The following TFB1M variants were observed in gnomAD, a reference collection of about 807,000 sequenced individuals.
TFB1M encodes the protein dimethyladenosine transferase 1, mitochondrial.
TFB1M carries 27 observed loss-of-function variants against 31.1 expected under a neutral mutation model. That is an observed-to-expected ratio of 0.87 (90% CI 0.64 to 1.20). The LOEUF (loss-of-function observed/expected upper bound fraction) is 1.20. TFB1M is among the 50% of genes most tolerant of loss of function. TFB1M has a pLI of 0.00. For missense variants in TFB1M, 394 were observed against 418.7 expected (o/e 0.94, Z 0.51); for synonymous variants, 166 against 151.8 (o/e 1.09, Z -0.69).
At chr6:155,245,093 G>A in the TFB1M span, among the ~76,000 whole-genome samples, 1 of 152,166 alleles carries the variant, frequency 6.6e-6, no homozygotes, top group South Asian at 2.1e-4. Flanking sequence ...TCTGAAACCA[G>A]AGCTCCTACC....
In TFB1M at chr6:155,311,343, G is replaced by T; in HGVS notation, c.134-4C>A. The T allele has an allele frequency of 6.2e-7, 1 of 1,613,048 alleles. No individual in the cohort carries two copies. The highest frequency in any genetic ancestry group is 8.5e-7 in the Non-Finnish European group (1 of 1,179,110). On this transcript the variant is annotated splice_region_variant and splice_polypyrimidine_tract_variant and intron_variant, in intron 1 of 6. Coordinates refer to ENST00000367166, the MANE Select transcript of TFB1M (RefSeq NM_016020.4). ...CCAGCTTTCCTTACAATCTTATCTA[G>T]AGGAAAAAGAGTTTTAGTTATCTCA...
chr6:155,267,660 C>T (rs1784720674), intron 5 of TFB1M, among the ~76,000 whole-genome samples: 2 of 152,112 alleles, frequency 1.3e-5, no homozygotes, highest in Non-Finnish European at 2.9e-5. Context: ...AGCAGCTAGG[C>T]TTATAGAAAG....
At chr6:155,268,954 A>AAAAAAAG (rs1784792296) in intron 5 of TFB1M, among the ~76,000 whole-genome samples, 2 of 141,924 alleles carry the variant, frequency 1.4e-5, no homozygotes, top group East Asian at 4.2e-4. Context: ...ATTAAAAAAA[A>AAAAAAAG]AAAAAAGAAA....
intron 5 of TFB1M, among the ~76,000 whole-genome samples, chr6:155,269,154 G>C (rs558491525): frequency 4.6e-5 from 7 of 151,840 alleles, no homozygotes; most frequent in Admixed American, 3.9e-4. Flanking sequence ...AAGAGAGGTA[G>C]GACTTACAAA....
intron 5 of TFB1M, among the ~76,000 whole-genome samples, chr6:155,271,459 G>A (rs572371356): frequency 6.6e-6 from 1 of 152,202 alleles, no homozygotes; most frequent in South Asian, 2.1e-4. Flanking sequence ...AGAAAACTCA[G>A]GGCACCACAC....
chr6:155,300,296 A>G (rs1181300685), intron 2 of TFB1M, among the ~76,000 whole-genome samples: 1 of 152,238 alleles, frequency 6.6e-6, no homozygotes, highest in Non-Finnish European at 1.5e-5. Flanking sequence ...ATGGTAGTTT[A>G]GCAAAAATAA....
At chr6:155,283,262 C>G (rs1338979785) in intron 5 of TFB1M, among the ~76,000 whole-genome samples, 2 of 152,258 alleles carry the variant, frequency 1.3e-5, no homozygotes, top group South Asian at 2.1e-4. Flanking sequence ...AAAATCCTGT[C>G]TCTATGAAAA....
chr6:155,282,784 G>A (rs1215364981), intron 5 of TFB1M, among the ~76,000 whole-genome samples: 2 of 151,508 alleles, frequency 1.3e-5, no homozygotes, highest in Non-Finnish European at 2.9e-5. Flanking sequence ...CTGGAGTGCA[G>A]TGGTGCCATC....
At chr6:155,264,782 T>C (rs1233552117) in intron 5 of TFB1M, among the ~76,000 whole-genome samples, 1 of 152,004 alleles carries the variant, frequency 6.6e-6, no homozygotes. Flanking sequence ...CTAAGAAATG[T>C]GGTGAGGGGG....
chr6:155,240,972 T>A, the TFB1M span, among the ~76,000 whole-genome samples: 70 of 152,336 alleles, frequency 4.6e-4, no homozygotes, highest in South Asian at 5.8e-3. Context: ...ATGTTCTGGT[T>A]TGTCATTTGC....
At chr6:155,268,164 C>T (rs1252464045) in intron 5 of TFB1M, among the ~76,000 whole-genome samples, 4 of 152,094 alleles carry the variant, frequency 2.6e-5, no homozygotes, top group African/African-American at 4.8e-5. Context: ...TCCATTTAAT[C>T]GCTCCCATTA....
intron 5 of TFB1M, among the ~76,000 whole-genome samples, chr6:155,265,729 A>T (rs1332300059): frequency 6.9e-6 from 1 of 145,416 alleles, no homozygotes; most frequent in Non-Finnish European, 1.5e-5. Flanking sequence ...ATATAATATA[A>T]ATATATATTA....
chr6:155,288,167 C>T (rs966844638), intron 4 of TFB1M, among the ~76,000 whole-genome samples: 3 of 152,146 alleles, frequency 2.0e-5, no homozygotes, highest in Non-Finnish European at 4.4e-5. Flanking sequence ...AAGAAACTTC[C>T]TATGGGCAAA....
intron 2 of TFB1M, among the ~76,000 whole-genome samples, chr6:155,302,115 T>A (rs113831410): frequency 6.6e-6 from 1 of 152,210 alleles, no homozygotes; most frequent in African/African-American, 2.4e-5. Context: ...GGAAAGAATT[T>A]AGGCAATTCT....
At chr6:155,245,466 G>C in the TFB1M span, among the ~76,000 whole-genome samples, 1 of 152,210 alleles carries the variant, frequency 6.6e-6, no homozygotes, top group Non-Finnish European at 1.5e-5. Context: ...GAGCGCCTGG[G>C]CTGTTCCCCA....
chr6:155,244,741 A>G, the TFB1M span: 218 of 1,613,994 alleles, frequency 1.4e-4, no homozygotes, highest in Middle Eastern at 6.6e-4. Flanking sequence ...GGATTTCAGC[A>G]TCATCTGACT....
At position 155,257,146 on chromosome 6, in the gene TFB1M, A is replaced by AAATT. The variant is rs565720439; in HGVS notation, c.*686_*689dup. 1.6e-3 allele frequency: 2,517 copies of AAATT among 1,603,012 alleles called. 5 individuals carry two copies. The highest frequency in any genetic ancestry group is 1.9e-3 in the Non-Finnish European group (2,283 of 1,173,044). Reference sequence around the variant, plus strand: ...GTATGATTCAATCCAGATATGGGTTAAATTCCTCATTTTACTTTTAAACTG... The same window carrying AAATT: ...GTATGATTCAATCCAGATATGGGTTAAATTAATTCCTCATTTTACTTTTAAACTG... On this transcript the variant is annotated 3_prime_UTR_variant, in exon 7 of 7. Transcript: ENST00000367166.
chr6:155,249,740 G>A, the TFB1M span: 1 of 794,230 alleles, frequency 1.3e-6, no homozygotes, highest in Non-Finnish European at 2.0e-6. Context: ...TCCTGCTAGT[G>A]GGTACTGGTC....
At chr6:155,234,081 T>G in the TFB1M span, among the ~76,000 whole-genome samples, 1 of 152,294 alleles carries the variant, frequency 6.6e-6, no homozygotes, top group East Asian at 1.9e-4. Context: ...TTTAATCTTT[T>G]TATGACTTCT....
Sources: gnomAD v4.1 joint callset for allele counts (sites outside exome capture counted in the v4.1 genomes callset) on GRCh38, gnomAD v4.1.1 for gene constraint, MANE v1.5 for transcripts, NCBI Gene and HGNC (gene_info 2026-07-23, HGNC 2026-07-21) for gene names.